TEX29: variants seen among roughly 807,000 people sequenced by gnomAD.
TEX29 encodes the protein testis expressed 29.
In TEX29, 26 loss-of-function variants were observed where a neutral mutation model predicts 18.2. The observed-to-expected ratio is 1.43, with a 90% CI of 1.04 to 1.98. The LOEUF (loss-of-function observed/expected upper bound fraction) is 1.98. Ranked by LOEUF, TEX29 falls within the 30% of genes most tolerant of loss-of-function variation. The pLI, the probability that TEX29 is intolerant of heterozygous loss-of-function variation, is 0.00. For missense variants in TEX29, 177 were observed against 194.2 expected (o/e 0.91, Z 0.53); for synonymous variants, 83 against 78.5 (o/e 1.06, Z -0.31).
chr13:111,339,719 TG>T, intron 3 of TEX29, 143 bp from the exon 4 acceptor site: 1 of 712,800 alleles, frequency 1.4e-6, no homozygotes, highest in Non-Finnish European at 2.4e-6. Context: ...CAGGAGACGC[TG>T]GGGAGGGTGG....
At chr13:111,331,316 A>ATTTTTTTTTTTTTTTTTTTTTTTT (rs56208500) in intron 3 of TEX29, among the ~76,000 whole-genome samples, 1 of 131,038 alleles carries the variant, frequency 7.6e-6, no homozygotes, top group Non-Finnish European at 1.6e-5. Context: ...CCATTGTTGC[A>ATTTTTTTTTTTTTTTTTTTTTTTT]TTTTTTTTTT....
upstream of TEX29, among the ~76,000 whole-genome samples, chr13:111,318,579 C>T (rs1281331474): frequency 6.6e-6 from 1 of 152,074 alleles, no homozygotes; most frequent in Non-Finnish European, 1.5e-5. Flanking sequence ...CTTCCCGGTG[C>T]TGGCTCAGTC....
At chr13:111,320,333 G>C (rs1432667068), upstream of TEX29, among the ~76,000 whole-genome samples, 1 of 152,224 alleles carries the variant, frequency 6.6e-6, no homozygotes, top group African/African-American at 2.4e-5. Flanking sequence ...GGTGTCCCAG[G>C]AAGGACCGGG....
intron 4 of TEX29, among the ~76,000 whole-genome samples, 169 bp from the exon 5 acceptor site, chr13:111,342,587 A>G (rs569501039): frequency 6.6e-6 from 1 of 150,510 alleles, no homozygotes; most frequent in South Asian, 2.1e-4. Flanking sequence ...AGAGAGAGAG[A>G]AAGAAACGAA....
chr13:111,324,819 G>A (rs2093670173), intron 2 of TEX29, among the ~76,000 whole-genome samples: 1 of 152,176 alleles, frequency 6.6e-6, no homozygotes, highest in Admixed American at 6.5e-5. Context: ...TTCCTCTCCT[G>A]CTGCAGAAGC....
At chr13:111,324,287 A>G (rs2153641297) in intron 2 of TEX29, among the ~76,000 whole-genome samples, 1 of 152,248 alleles carries the variant, frequency 6.6e-6, no homozygotes, top group African/African-American at 2.4e-5. Context: ...GGGACATTCT[A>G]GTGGGCCGCC....
At chr13:111,320,072 A>C (rs1595682009), upstream of TEX29, among the ~76,000 whole-genome samples, 1 of 152,056 alleles carries the variant, frequency 6.6e-6, no homozygotes, top group African/African-American at 2.4e-5. Flanking sequence ...AAGTCGCCAC[A>C]CCAGCCTCCC....
intron 2 of TEX29, among the ~76,000 whole-genome samples, chr13:111,325,234 G>T (rs2093670894): frequency 6.6e-6 from 1 of 152,234 alleles, no homozygotes; most frequent in African/African-American, 2.4e-5. Context: ...CCCTAGCCTG[G>T]CCCAGCCGAT....
chr13:111,329,909 A>G (rs1447043411), intron 3 of TEX29, among the ~76,000 whole-genome samples: 2 of 152,124 alleles, frequency 1.3e-5, no homozygotes, highest in Non-Finnish European at 2.9e-5. Flanking sequence ...TGCTTGGTCT[A>G]TCTCAAGATG....
upstream of TEX29, among the ~76,000 whole-genome samples, chr13:111,317,865 C>T (rs9522180): frequency 0.43 from 65,544 of 152,064 alleles, 16,026 homozygotes; most frequent in Middle Eastern, 0.56. Context: ...CCGTCCGTCC[C>T]CTCCCCGGGC....
chr13:111,337,389 G>A (rs576876511), intron 3 of TEX29, among the ~76,000 whole-genome samples: 44 of 152,306 alleles, frequency 2.9e-4, no homozygotes, highest in Middle Eastern at 3.4e-3. Context: ...GTTATAGGAA[G>A]ATGACTCACT....
At chr13:111,329,837 G>T (rs144684479) in intron 3 of TEX29, among the ~76,000 whole-genome samples, 22 of 152,218 alleles carry the variant, frequency 1.4e-4, no homozygotes, top group Non-Finnish European at 2.2e-4. Flanking sequence ...TCATCATCTT[G>T]ATGGCTGGTT....
chr13:111,321,773 AT>A (rs1333369462), intron 2 of TEX29, among the ~76,000 whole-genome samples: 3 of 152,178 alleles, frequency 2.0e-5, no homozygotes, highest in South Asian at 4.2e-4. Flanking sequence ...AAATACAAAA[AT>A]TAGCCGAGCG....
At chr13:111,337,318 G>A (rs1305998304) in intron 3 of TEX29, among the ~76,000 whole-genome samples, 1 of 152,152 alleles carries the variant, frequency 6.6e-6, no homozygotes, top group Non-Finnish European at 1.5e-5. Flanking sequence ...AAGTGAGGCT[G>A]CAGTCACCTG....
chr13:111,339,656 G>A (rs2093694496), intron 3 of TEX29, among the ~76,000 whole-genome samples: 1 of 152,034 alleles, frequency 6.6e-6, no homozygotes, highest in African/African-American at 2.4e-5. Context: ...CTTTCACAGG[G>A]AGCCCTCGCC....
upstream of TEX29, among the ~76,000 whole-genome samples, chr13:111,317,411 A>G (rs1567154853): frequency 6.6e-6 from 1 of 152,124 alleles, no homozygotes; most frequent in South Asian, 2.1e-4. Context: ...CAGGCCTGAG[A>G]TGGCGTTGCC....
At chr13:111,326,168 TG>T (rs1168389709) in intron 2 of TEX29, among the ~76,000 whole-genome samples, 1 of 149,676 alleles carries the variant, frequency 6.7e-6, no homozygotes, top group Non-Finnish European at 1.5e-5. Flanking sequence ...CATCACGAGC[TG>T]GGTGCTGGCT....
At chr13:111,322,444 A>G (rs568404411) in intron 2 of TEX29, among the ~76,000 whole-genome samples, 2 of 152,330 alleles carry the variant, frequency 1.3e-5, no homozygotes, top group African/African-American at 4.8e-5. Context: ...TCAGGGCTGT[A>G]AGCAGTGCAG....
intron 3 of TEX29, among the ~76,000 whole-genome samples, chr13:111,335,598 CAT>C (rs150747430): frequency 0.014 from 2,140 of 152,358 alleles, 30 homozygotes; most frequent in East Asian, 0.036. Flanking sequence ...TCATTTCCAT[CAT>C]AGAGTTGGAC....
Sources: gnomAD v4.1 joint callset for allele counts (sites outside exome capture counted in the v4.1 genomes callset) on GRCh38, gnomAD v4.1.1 for gene constraint, MANE v1.5 for transcripts, NCBI Gene and HGNC (gene_info 2026-07-23, HGNC 2026-07-21) for gene names.